Variants in LIN54 observed in about 807,000 individuals in gnomAD.
LIN54 encodes protein lin-54 homolog.
A neutral mutation model predicts 78.7 loss-of-function variants in LIN54; 9 were observed. The ratio of observed to expected loss-of-function variants is 0.11; its 90% CI spans 0.07 to 0.20. LIN54 has a LOEUF of 0.20. LIN54 is among the 10% of genes least tolerant of loss of function. LIN54 has a pLI of 1.00. For missense variants in LIN54, 573 were observed against 889.9 expected, an observed-to-expected ratio of 0.64 and a Z score of 4.53; for synonymous variants, 269 against 318.4, an observed-to-expected ratio of 0.84 and a Z score of 1.65.
chr4:82,930,287 C>T (rs556791616), intron 12 of LIN54, among the ~76,000 whole-genome samples: 14 of 152,280 alleles, frequency 9.2e-5, no homozygotes, highest in African/African-American at 3.4e-4. Flanking sequence ...TTTCTAATAC[C>T]AGTCCAGTCC....
chr4:82,984,108 T>A, intron 2 of LIN54, 53 bp downstream of exon 2: 1 of 1,294,992 alleles, frequency 7.7e-7, no homozygotes, highest in South Asian at 1.4e-5. Context: ...TATGAATCAG[T>A]TAAATTTTTT....
intron 3 of LIN54, 83 bp from the exon 4 acceptor site, chr4:82,970,552 G>T: frequency 8.2e-7 from 1 of 1,218,472 alleles, no homozygotes; most frequent in Non-Finnish European, 1.2e-6. Context: ...ACACTCACAA[G>T]GACTGCAGAA....
chr4:83,000,827 C>CTTTTTTTCTTTTTTTTTTTTTTTT (rs528409899), intron 1 of LIN54, among the ~76,000 whole-genome samples: 2 of 120,536 alleles, frequency 1.7e-5, no homozygotes, highest in African/African-American at 6.5e-5. Context: ...GCAATAAATT[C>CTTTTTTTCTTTTTTTTTTTTTTTT]TTTTTTTTTT....
rs1486189173 is a variant in LIN54 at position 82,946,359 on chromosome 4, C to T, written c.1067G>A (p.Ser356Asn). ...PNVQQIQVPG[S>N]KFHYVRLVTA... is the part of the protein sequence containing the mutation. ...AACAAGTCGGACATAATGAAACTTG[C>T]TTCCAGGCACTTGAATCTGCTGGAC... is the stretch of plus-strand genomic sequence containing the variant. Residue 356 changes from serine to asparagine, a missense_variant, in exon 5 of 13, where the codon AGC (serine) becomes AAC (asparagine). Physicochemically the swap from Ser to Asn is conservative, Grantham distance 46 (BLOSUM62 1). Around this residue, in one of 6 missense-constraint regions of LIN54, gnomAD observed 199 missense variants for 260.9 expected, o/e 0.76. Transcript: ENST00000340417. The T allele has an allele frequency of 6.2e-7, 1 of 1,614,166 alleles. No homozygotes were observed. The highest frequency in any genetic ancestry group is 1.1e-5 in the South Asian group (1 of 91,080).
intron 12 of LIN54, among the ~76,000 whole-genome samples, chr4:82,930,175 A>G (rs1455802747): frequency 6.6e-6 from 1 of 152,228 alleles, no homozygotes; most frequent in African/African-American, 2.4e-5. Context: ...CTGGGATTAT[A>G]GGCGTGAGCC....
At chr4:82,975,227 G>A (rs937306103) in intron 3 of LIN54, among the ~76,000 whole-genome samples, 2 of 150,280 alleles carry the variant, frequency 1.3e-5, no homozygotes, top group Non-Finnish European at 3.0e-5. Flanking sequence ...ATGTGGTGGA[G>A]TGTGCCTGTA....
intron 1 of LIN54, among the ~76,000 whole-genome samples, chr4:82,990,543 G>C (rs1339601965): frequency 6.6e-6 from 1 of 151,980 alleles, no homozygotes; most frequent in African/African-American, 2.4e-5. Context: ...GAGTGCAGTG[G>C]CGCGATCTCG....
At chr4:82,998,942 A>G (rs1355969402) in intron 1 of LIN54, among the ~76,000 whole-genome samples, 1 of 152,206 alleles carries the variant, frequency 6.6e-6, no homozygotes, top group African/African-American at 2.4e-5. Context: ...AAATTATATC[A>G]TTTGCAGTGG....
rs770796311 is a variant in LIN54, at chr4:82,936,140, CAGTT to C, written c.1708-26_1708-23del. ...ATGCCTAGCAAAACAGATCAAATAT[CAGTT>C]AGAGTTAAATCACAGTAGATGAAAT... On this transcript the variant is annotated intron_variant, in intron 10 of 12. Transcript: ENST00000340417. The C allele has an allele frequency of 1.3e-5, 21 of 1,613,480 alleles. No individual in the cohort carries two copies. In the Admixed American group the frequency reaches 1.3e-4, roughly 10 times the overall value.
At chr4:82,935,791 C>T (rs942559240) in intron 11 of LIN54, among the ~76,000 whole-genome samples, 190 bp downstream of exon 11, 1 of 152,004 alleles carries the variant, frequency 6.6e-6, no homozygotes, top group Non-Finnish European at 1.5e-5. Context: ...AATAATAAAC[C>T]CAAGGTATTC....
chr4:82,965,431 G>A (rs368557528), intron 4 of LIN54, among the ~76,000 whole-genome samples: 135 of 152,246 alleles, frequency 8.9e-4, no homozygotes, highest in South Asian at 4.4e-3. Context: ...AAAACAGTCT[G>A]AAATTGTAAT....
At chr4:83,007,369 A>G (rs1729492130) in intron 1 of LIN54, among the ~76,000 whole-genome samples, 1 of 152,192 alleles carries the variant, frequency 6.6e-6, no homozygotes, top group African/African-American at 2.4e-5. Flanking sequence ...GATTAACATG[A>G]TGGAAAAAAC....
chr4:82,984,432 T>C lies in LIN54; in HGVS notation c.413A>G (p.Gln138Arg). 1.2e-6 allele frequency: 2 copies of C among 1,614,246 alleles called. No individual in the cohort carries two copies. The highest frequency in any genetic ancestry group is 1.3e-5 in the African/African-American group (1 of 75,074). Residue 138 changes from glutamine (Q) to arginine (R), a missense_variant, in exon 2 of 13, where the codon CAG becomes CGG. By Grantham distance (43) the Gln-to-Arg change is conservative (BLOSUM62 1). This residue lies in a region of LIN54 where 183 missense variants were observed against 228.4 expected (regional missense o/e 0.80). Coordinates refer to ENST00000340417, the MANE Select transcript of LIN54 (RefSeq NM_194282.4). ...GCCCAAAGTTGTTAAAATTAACTTCTGTCCATCTGGTTTAAGGGTCTGATT... is the reference window on the plus strand; with the variant it reads ...GCCCAAAGTTGTTAAAATTAACTTCCGTCCATCTGGTTTAAGGGTCTGATT... ...LGNQTLKPDG[Q>R]KLILTTLGKS... is the part of the protein sequence containing the mutation.
intron 1 of LIN54, among the ~76,000 whole-genome samples, chr4:82,999,033 T>C (rs2126105109): frequency 6.6e-6 from 1 of 152,332 alleles, no homozygotes; most frequent in Middle Eastern, 3.4e-3. Flanking sequence ...ATTGTAATAA[T>C]ATTGTAGCCA....
intron 1 of LIN54, among the ~76,000 whole-genome samples, chr4:83,006,225 G>A (rs113508263): frequency 0.016 from 2,436 of 152,148 alleles, 69 homozygotes; most frequent in African/African-American, 0.055. Flanking sequence ...TGAGGTGGGC[G>A]GACCATGAGG....
At chr4:83,008,371 C>T (rs1335186327) in intron 1 of LIN54, among the ~76,000 whole-genome samples, 4 of 152,180 alleles carry the variant, frequency 2.6e-5, no homozygotes, top group Non-Finnish European at 4.4e-5. Flanking sequence ...TGAAAATCGG[C>T]CGGGCGCAGT....
chr4:82,974,013 A>G (rs1008459718), intron 3 of LIN54, among the ~76,000 whole-genome samples: 1 of 152,110 alleles, frequency 6.6e-6, no homozygotes, highest in Non-Finnish European at 1.5e-5. Context: ...GATTGGGACC[A>G]TCCTGGCTAA....
intron 4 of LIN54, among the ~76,000 whole-genome samples, chr4:82,962,143 T>C (rs1019648665): frequency 3.3e-5 from 5 of 152,118 alleles, no homozygotes; most frequent in Non-Finnish European, 7.4e-5. Context: ...CAGGCTGGCC[T>C]TGAACTCCTG....
At chr4:83,004,267 T>C (rs1009642086) in intron 1 of LIN54, among the ~76,000 whole-genome samples, 1 of 151,442 alleles carries the variant, frequency 6.6e-6, no homozygotes, top group Non-Finnish European at 1.5e-5. Flanking sequence ...GGAGTGGTGG[T>C]GGGCACCTGT....
Sources: allele counts gnomAD v4.1 joint callset (sites outside exome capture counted in the v4.1 genomes callset), GRCh38; gene constraint gnomAD v4.1.1; regional missense constraint gnomAD v4.1.1; transcripts MANE v1.5; gene names NCBI Gene and HGNC (gene_info 2026-07-23, HGNC 2026-07-21).